Variants in EGFR observed in about 807,000 individuals in gnomAD.
The protein encoded by EGFR is epidermal growth factor receptor, also known as avian erythroblastic leukemia viral (v-erb-b) oncogene homolog.
EGFR carries 58 observed loss-of-function variants against 143.0 expected under a neutral mutation model. That is an observed-to-expected ratio of 0.41 (90% CI 0.33 to 0.50). The LOEUF (loss-of-function observed/expected upper bound fraction) is 0.50. Ranked by LOEUF, EGFR falls within the 20% of genes least tolerant of loss-of-function variation. The pLI is 0.39. For synonymous variants in EGFR, 613 were observed against 594.4 expected (o/e 1.03, Z -0.45); for missense variants, 1,307 against 1,579.0 (o/e 0.83, Z 2.92).
rs1786363558 is a variant in EGFR at position 55,019,264 on chromosome 7, T to G, written c.-14T>G. The stretch of plus-strand genomic sequence containing the variant: ...TGATCGGGAGAGCCGGAGCGAGCTC[T>G]TCGGGGAGCAGCGATGCGACCCTCC... On this transcript the variant is annotated 5_prime_UTR_variant, in exon 1 of 28. Transcript: ENST00000275493. 6.7e-7 allele frequency: 1 copy of G among 1,487,554 alleles called. No individual in the cohort carries two copies. The highest frequency in any genetic ancestry group is 1.5e-5 in the African/African-American group (1 of 68,674). 92.1% of individuals were successfully genotyped at this position (1,487,554 alleles called of 1,614,324 possible).
intron 1 of EGFR, among the ~76,000 whole-genome samples, chr7:55,092,132 T>C (rs1413696203): frequency 6.6e-6 from 1 of 152,172 alleles, no homozygotes; most frequent in African/African-American, 2.4e-5. Flanking sequence ...TGTTCTTCCA[T>C]GCTGCTTGTG....
chr7:55,178,302 C>T (rs1786693987), intron 19 of EGFR, among the ~76,000 whole-genome samples: 1 of 152,268 alleles, frequency 6.6e-6, no homozygotes, highest in South Asian at 2.1e-4. Flanking sequence ...AATCCCATGG[C>T]GTATTAAATT....
rs777089517 is a variant in EGFR, at chr7:55,151,506, A to G, written c.628+144A>G. 6 of 880,836 alleles carry G rather than the reference A, an allele frequency of 6.8e-6. No individual in the cohort carries two copies. In the African/African-American group the frequency reaches 9.9e-5, roughly 15 times the overall value. The allele number at this position is 880,836 out of a possible 1,614,324, so 54.6% of individuals were successfully genotyped here. A position where few individuals can be genotyped will look rare whatever the true frequency, so the allele number is the denominator to read the frequency against. ...AGATGTGAACCAGTAGGTGAAGGAC[A>G]GTCTTGCAAATCTCACCGCATGCAG... is the stretch of plus-strand genomic sequence containing the variant. On this transcript the variant is annotated intron_variant, in intron 5 of 27. Coordinates refer to ENST00000275493, the MANE Select transcript of EGFR (RefSeq NM_005228.5).
rs1787413449 is a variant in EGFR, at chr7:55,191,885, G to A, written c.2625+11G>A. On this transcript the variant is annotated intron_variant, in intron 21 of 27. Transcript: ENST00000275493. Reference sequence around the variant, plus strand: ...GCAGAAGGAGGCAAAGTAAGGAGGTGGCTTTAGGTCAGCCAGCATTTTCCT... The same window carrying A: ...GCAGAAGGAGGCAAAGTAAGGAGGTAGCTTTAGGTCAGCCAGCATTTTCCT... 1 of 1,613,004 alleles carries A rather than the reference G, an allele frequency of 6.2e-7. No homozygotes were observed. Among genetic ancestry groups the A allele is most frequent in the Admixed American group, 1.7e-5 (1 of 60,000 alleles).
At chr7:55,133,997 C>T (rs577614596) in intron 1 of EGFR, among the ~76,000 whole-genome samples, 2 of 152,316 alleles carry the variant, frequency 1.3e-5, no homozygotes, top group South Asian at 2.1e-4. Flanking sequence ...CGAGAGGAGG[C>T]GTTTACTCAC....
intron 1 of EGFR, among the ~76,000 whole-genome samples, chr7:55,086,127 C>T (rs542441271): frequency 2.8e-4 from 42 of 152,164 alleles, no homozygotes; most frequent in Non-Finnish European, 5.3e-4. Flanking sequence ...GTCTACAGTG[C>T]CTCACAATTT....
chr7:55,104,888 C>A lies in EGFR; in HGVS notation c.89-37398C>A, dbSNP rs557307883. On this transcript the variant is annotated intron_variant, in intron 1 of 27. Transcript: ENST00000275493. The stretch of plus-strand genomic sequence containing the variant: ...TCATGTATTGCTTGTGCTTTGGCTT[C>A]ATTTGATCCAATGCAGATCAGCTGC... 1.5e-3 allele frequency among the ~76,000 whole-genome samples: 226 copies of A among 152,328 alleles called. 1 individual carries two copies. Among genetic ancestry groups the A allele is most frequent in the Non-Finnish European group, 2.5e-3 (173 of 68,034 alleles).
chr7:55,099,670 C>T (rs2128900266), intron 1 of EGFR, among the ~76,000 whole-genome samples: 1 of 152,304 alleles, frequency 6.6e-6, no homozygotes, highest in Non-Finnish European at 1.5e-5. Flanking sequence ...TTCAGGGCTT[C>T]TTGCCTGGCT....
Position 55,184,032 on chromosome 7 carries a change from C to T in EGFR, c.2469+2554C>T, listed in dbSNP as rs538065354. ...GGTTTCGCTCAATATAGGATGAGCT[C>T]AGGACTCCAGTGGACTGTGGATTCA... is the stretch of plus-strand genomic sequence containing the variant. On this transcript the variant is annotated intron_variant, in intron 20 of 27. Transcript: ENST00000275493. Among the ~76,000 whole-genome samples the T allele has an allele frequency of 7.9e-5, 12 of 152,350 alleles. No homozygotes were observed. The South Asian group carries it at 2.1e-3, about 26-fold the overall frequency.
chr7:55,190,525 AC>A (rs1216726758), intron 20 of EGFR, among the ~76,000 whole-genome samples: 19 of 152,096 alleles, frequency 1.2e-4, no homozygotes, highest in Non-Finnish European at 5.9e-5. Context: ...CAAAAAAAAA[AC>A]AATTTGCCAG....
rs1020699673 is a variant in EGFR at position 55,171,794 on chromosome 7, C to T, written c.1919+581C>T. On this transcript the variant is annotated intron_variant, in intron 16 of 27. Coordinates refer to ENST00000275493, the MANE Select transcript of EGFR (RefSeq NM_005228.5). ...GAAAGAGTGGTGTTACTCTCGATGG[C>T]GTCTAGCCAGGAATCATGGAATTAT... is the stretch of plus-strand genomic sequence containing the variant. 5.9e-5 allele frequency among the ~76,000 whole-genome samples: 9 copies of T among 152,224 alleles called. No homozygotes were observed. In the East Asian group the frequency reaches 9.7e-4, roughly 16 times the overall value.
In EGFR at chr7:55,049,147, C is replaced by T. The variant is rs769459861; in HGVS notation, c.88+29782C>T. 2.2e-4 allele frequency among the ~76,000 whole-genome samples: 34 copies of T among 152,152 alleles called. 1 individual carries two copies. The highest frequency in any genetic ancestry group is 8.8e-5 in the Non-Finnish European group (6 of 68,042). ...ATACAGTTTTACAGGATTTTTTATACTCAAATTAGTAAAATTCTGTATTGC... is the reference window on the plus strand; with the variant it reads ...ATACAGTTTTACAGGATTTTTTATATTCAAATTAGTAAAATTCTGTATTGC... On this transcript the variant is annotated intron_variant, in intron 1 of 27. Transcript: ENST00000275493.
At chr7:55,094,088 T>A (rs576988409) in intron 1 of EGFR, among the ~76,000 whole-genome samples, 2 of 152,316 alleles carry the variant, frequency 1.3e-5, no homozygotes, top group Non-Finnish European at 2.9e-5. Flanking sequence ...TGAAGTCAAA[T>A]TTCCCCCATT....
chr7:55,068,234 G>C (rs1789630360), intron 1 of EGFR, among the ~76,000 whole-genome samples: 1 of 152,120 alleles, frequency 6.6e-6, no homozygotes, highest in Admixed American at 6.6e-5. Context: ...ATTTCCCACA[G>C]ACAAAATCCT....
intron 12 of EGFR, 33 bp downstream of exon 12, chr7:55,160,371 T>A (rs2128941839): frequency 6.2e-7 from 1 of 1,603,056 alleles, no homozygotes; most frequent in East Asian, 2.2e-5. Flanking sequence ...GTTTATGGAG[T>A]TGGTTCTAAT....
chr7:55,062,809 T>C (rs1447420732), intron 1 of EGFR, among the ~76,000 whole-genome samples: 1 of 152,100 alleles, frequency 6.6e-6, no homozygotes, highest in Non-Finnish European at 1.5e-5. Flanking sequence ...TGCTCTGAAC[T>C]TGAAAATGTG....
intron 4 of EGFR, 98 bp from the exon 5 acceptor site, chr7:55,151,196 C>T (rs1785133043): frequency 8.5e-7 from 1 of 1,183,372 alleles, no homozygotes; most frequent in Admixed American, 1.7e-5. Flanking sequence ...AAAAGATTGT[C>T]TTCATTTATT....
chr7:55,134,526 G>A (rs1794030535), intron 1 of EGFR, among the ~76,000 whole-genome samples: 1 of 152,260 alleles, frequency 6.6e-6, no homozygotes, highest in East Asian at 1.9e-4. Flanking sequence ...CCAGGGCAAA[G>A]GGTGCTGCCC....
At chr7:55,055,316 T>G (rs1788743713) in intron 1 of EGFR, among the ~76,000 whole-genome samples, 1 of 152,140 alleles carries the variant, frequency 6.6e-6, no homozygotes, top group Admixed American at 6.5e-5. Flanking sequence ...CGGTCTGGGA[T>G]GGGGCCCTAC....
Sources: allele counts gnomAD v4.1 joint callset (sites outside exome capture counted in the v4.1 genomes callset), GRCh38; gene constraint gnomAD v4.1.1; transcripts MANE v1.5; gene names NCBI Gene and HGNC (gene_info 2026-07-23, HGNC 2026-07-21).